The following FEZ2 variants were observed in gnomAD, a reference collection of about 807,000 sequenced individuals.
The protein encoded by FEZ2 is fasciculation and elongation protein zeta 2, also known as fasciculation and elongation protein zeta-2.
In FEZ2, 51 loss-of-function variants were observed where a neutral mutation model predicts 40.4. The observed-to-expected ratio is 1.26, with a 90% CI of 1.01 to 1.59. FEZ2 has a LOEUF of 1.59. Ranked by LOEUF, FEZ2 falls within the 40% of genes most tolerant of loss-of-function variation. The probability of loss-of-function intolerance (pLI) is 0.00; values close to 1 mark genes in which losing one functional copy is unlikely to be tolerated. For synonymous variants in FEZ2, 242 were observed against 172.0 expected (o/e 1.41, Z -3.18); for missense variants, 640 against 438.3 (o/e 1.46, Z -4.11).
chr2:36,597,760 G>C (rs1298744695), intron 1 of FEZ2, 117 bp downstream of exon 1: 2 of 737,874 alleles, frequency 2.7e-6, no homozygotes, highest in African/African-American at 1.8e-5. Flanking sequence ...GAGAGGGCGG[G>C]GACTCCCGCG....
intron 4 of FEZ2, 117 bp downstream of exon 4, chr2:36,581,173 T>G: frequency 9.9e-7 from 1 of 1,008,994 alleles, no homozygotes; most frequent in Non-Finnish European, 1.5e-6. Flanking sequence ...AAATGTAAAT[T>G]TGGACACAAA....
In FEZ2 at chr2:36,590,822, G is replaced by C. The variant is rs1573031911; in HGVS notation, c.375+81C>G. 1.3e-5 allele frequency: 11 copies of C among 848,670 alleles called. No homozygotes were observed. The East Asian group carries it at 2.8e-4, about 21-fold the overall frequency. 52.6% of individuals were successfully genotyped at this position (848,670 alleles called of 1,614,324 possible). On this transcript the variant is annotated intron_variant, in intron 2 of 7. Coordinates refer to ENST00000405912, the MANE Select transcript of FEZ2 (RefSeq NM_005102.3). ...AAATGAGAGGCAGGTCAGTGAATCT[G>C]TGTTAAGCAGAAATGCTACTGTTTT...
intron 5 of FEZ2, among the ~76,000 whole-genome samples, chr2:36,567,653 T>TTGGGAGG (rs1668285160): frequency 1.3e-5 from 2 of 151,572 alleles, no homozygotes; most frequent in Non-Finnish European, 2.9e-5. Context: ...TCCCAGCTAC[T>TTGGGAGG]CGAGAGGCTC....
chr2:36,579,850 G>C (rs116060618), intron 4 of FEZ2, among the ~76,000 whole-genome samples: 2,021 of 152,282 alleles, frequency 0.013, 50 homozygotes, highest in African/African-American at 0.046. Flanking sequence ...ATAGGACACT[G>C]TTAAAGTCCC....
Position 36,555,166 on chromosome 2 carries a change from T to C in FEZ2, c.1045+517A>G, listed in dbSNP as rs1185075601. The C allele has an allele frequency of 3.3e-5, 5 of 152,538 alleles. No homozygotes were observed. The East Asian group carries it at 9.6e-4, about 29-fold the overall frequency. 9.4% of individuals were successfully genotyped at this position (152,538 alleles called of 1,614,324 possible). A position where few individuals can be genotyped will look rare whatever the true frequency, so the allele number is the denominator to read the frequency against. ...TGCCTCTAAGATTTGTGGCTGCTTT[T>C]TCACTTTCCTGGGTTTATGCAAGTC... is the stretch of plus-strand genomic sequence containing the variant. On this transcript the variant is annotated intron_variant, in intron 7 of 7. Transcript: ENST00000405912.
chr2:36,585,848 C>G (rs1038452998), intron 2 of FEZ2, among the ~76,000 whole-genome samples: 3 of 152,080 alleles, frequency 2.0e-5, no homozygotes, highest in Admixed American at 2.0e-4. Context: ...AGAGCTAAAC[C>G]TTCACCCTCT....
At chr2:36,555,813 T>G in intron 6 of FEZ2, 65 bp from the exon 7 acceptor site, 1 of 936,202 alleles carries the variant, frequency 1.1e-6, no homozygotes, top group South Asian at 1.7e-5. Flanking sequence ...ATTATTTAAT[T>G]TCAATCATTG....
At chr2:36,595,478 C>A (rs1669189370) in intron 1 of FEZ2, among the ~76,000 whole-genome samples, 1 of 152,118 alleles carries the variant, frequency 6.6e-6, no homozygotes, top group Non-Finnish European at 1.5e-5. Context: ...CGTGGCTGAT[C>A]TGACAGGAGG....
intron 2 of FEZ2, among the ~76,000 whole-genome samples, chr2:36,587,259 T>A (rs1466873841): frequency 6.6e-6 from 1 of 152,140 alleles, no homozygotes; most frequent in Non-Finnish European, 1.5e-5. Context: ...GAGAGCCAAG[T>A]CCATTCCCCA....
chr2:36,581,036 T>C (rs187701319), intron 4 of FEZ2, among the ~76,000 whole-genome samples: 1 of 152,194 alleles, frequency 6.6e-6, no homozygotes, highest in Non-Finnish European at 1.5e-5. Context: ...CCTGTAATCC[T>C]AGCTACTTGG....
intron 5 of FEZ2, among the ~76,000 whole-genome samples, chr2:36,563,776 G>A (rs1021677351): frequency 9.2e-5 from 14 of 152,072 alleles, no homozygotes; most frequent in African/African-American, 9.7e-5. Flanking sequence ...GAAGACCACG[G>A]CCACTTTTCA....
At chr2:36,585,520 G>A (rs1668876494) in intron 2 of FEZ2, among the ~76,000 whole-genome samples, 1 of 152,120 alleles carries the variant, frequency 6.6e-6, no homozygotes, top group South Asian at 2.1e-4. Flanking sequence ...GGGAGGGAGA[G>A]CAGAAGGACT....
intron 7 of FEZ2, chr2:36,555,462 GATT>G (rs1252904564): frequency 2.0e-5 from 7 of 357,684 alleles, no homozygotes; most frequent in Middle Eastern, 4.0e-4. Context: ...TAACTGTGGA[GATT>G]ATTTCCAACC....
intron 5 of FEZ2, among the ~76,000 whole-genome samples, chr2:36,573,495 C>A (rs886944633): frequency 2.0e-5 from 3 of 152,242 alleles, no homozygotes; most frequent in Non-Finnish European, 4.4e-5. Context: ...AATAATAATT[C>A]AAATACTACA....
chr2:36,570,492 A>C (rs1272575469), intron 5 of FEZ2, among the ~76,000 whole-genome samples: 1 of 152,216 alleles, frequency 6.6e-6, no homozygotes, highest in Non-Finnish European at 1.5e-5. Context: ...AGAATATAAT[A>C]ATTGATCTTG....
intron 7 of FEZ2, among the ~76,000 whole-genome samples, chr2:36,554,497 A>G (rs955457294): frequency 2.6e-5 from 4 of 152,152 alleles, no homozygotes; most frequent in Non-Finnish European, 4.4e-5. Context: ...CCTCAGAACA[A>G]TCCAGCTTTC....
chr2:36,580,109 T>C (rs1041107134), intron 4 of FEZ2, among the ~76,000 whole-genome samples: 2 of 152,234 alleles, frequency 1.3e-5, no homozygotes, highest in South Asian at 2.1e-4. Context: ...TCCAGAACTA[T>C]AGAATATAAA....
chr2:36,554,090 C>G (rs1265346385), intron 7 of FEZ2: 1 of 386,588 alleles, frequency 2.6e-6, no homozygotes, highest in African/African-American at 2.1e-5. Context: ...CCTCACAATA[C>G]AAAGCCAAGA....
chr2:36,587,059 G>A (rs1014585030), intron 2 of FEZ2, among the ~76,000 whole-genome samples: 1 of 152,202 alleles, frequency 6.6e-6, no homozygotes, highest in Non-Finnish European at 1.5e-5. Context: ...AATGCACATG[G>A]AAGGAGAAAT....
Sources: allele counts gnomAD v4.1 joint callset (sites outside exome capture counted in the v4.1 genomes callset), GRCh38; gene constraint gnomAD v4.1.1; transcripts MANE v1.5; gene names NCBI Gene and HGNC (gene_info 2026-07-23, HGNC 2026-07-21).